The following LINGO2 variants were observed in gnomAD, a reference collection of about 807,000 sequenced individuals.
The protein encoded by LINGO2 is leucine rich repeat and Ig domain containing 2, also known as leucine-rich repeat and immunoglobulin-like domain-containing nogo receptor-interacting protein 2.
In LINGO2, 14 loss-of-function variants were observed where a neutral mutation model predicts 30.6. That is an observed-to-expected ratio of 0.46 (90% CI 0.30 to 0.72). The LOEUF is 0.72. Among genes scored for constraint, LINGO2 ranks in the 30% least tolerant of loss-of-function variants. The pLI is 0.07. For synonymous variants in LINGO2, 317 were observed against 288.5 expected, an observed-to-expected ratio of 1.10 and a Z score of -1.00; for missense variants, 729 against 751.7, an observed-to-expected ratio of 0.97 and a Z score of 0.35.
the LINGO2 span, among the ~76,000 whole-genome samples, chr9:29,136,060 G>A: frequency 6.6e-6 from 1 of 152,182 alleles, no homozygotes; most frequent in Non-Finnish European, 1.5e-5. Flanking sequence ...CACAGTTTGA[G>A]ATGCCTCTCA....
At chr9:28,822,292 A>G in the LINGO2 span, among the ~76,000 whole-genome samples, 4,740 of 152,278 alleles carry the variant, frequency 0.031, 248 homozygotes, top group African/African-American at 0.1. Context: ...TTCTCAAGAC[A>G]TAAACCTGGC....
At chr9:28,568,410 A>G (rs776110138) in intron 1 of LINGO2, among the ~76,000 whole-genome samples, 3 of 152,022 alleles carry the variant, frequency 2.0e-5, no homozygotes, top group East Asian at 3.9e-4. Context: ...TCTAACCTGT[A>G]CAACAAACCC....
At chr9:28,428,190 C>A (rs1321355161) in intron 2 of LINGO2, among the ~76,000 whole-genome samples, 4 of 152,210 alleles carry the variant, frequency 2.6e-5, no homozygotes, top group Non-Finnish European at 4.4e-5. Flanking sequence ...CCTAATAATG[C>A]AATTTCACAG....
the LINGO2 span, among the ~76,000 whole-genome samples, chr9:28,925,584 G>C: frequency 6.6e-6 from 1 of 152,144 alleles, no homozygotes; most frequent in Non-Finnish European, 1.5e-5. Flanking sequence ...AACTCTCCTG[G>C]ACTCTGCTCT....
the LINGO2 span, among the ~76,000 whole-genome samples, chr9:29,113,569 C>T: frequency 6.4e-4 from 97 of 152,244 alleles, 1 homozygote; most frequent in East Asian, 0.018. Flanking sequence ...TCCGCTTACC[C>T]AATTCTGACT....
the LINGO2 span, among the ~76,000 whole-genome samples, chr9:29,059,855 T>A: frequency 6.6e-6 from 1 of 151,990 alleles, no homozygotes; most frequent in African/African-American, 2.4e-5. Context: ...AATTGATAAA[T>A]TGAACTTCCT....
chr9:28,700,354 T>G, the LINGO2 span, among the ~76,000 whole-genome samples: 1 of 152,066 alleles, frequency 6.6e-6, no homozygotes, highest in Non-Finnish European at 1.5e-5. Context: ...TCCATACTTT[T>G]TACTTTCTCT....
the LINGO2 span, among the ~76,000 whole-genome samples, chr9:28,968,621 T>C: frequency 4.6e-5 from 7 of 152,288 alleles, no homozygotes; most frequent in South Asian, 2.1e-4. Flanking sequence ...TTTGGATGAA[T>C]TGGTGTTCTT....
the LINGO2 span, among the ~76,000 whole-genome samples, chr9:28,742,228 G>A: frequency 2.0e-5 from 3 of 150,180 alleles, no homozygotes; most frequent in East Asian, 5.9e-4. Context: ...AGTTGGGAGA[G>A]GAATAACATA....
At chr9:29,006,832 C>A in the LINGO2 span, among the ~76,000 whole-genome samples, 1 of 151,952 alleles carries the variant, frequency 6.6e-6, no homozygotes, top group Admixed American at 6.6e-5. Flanking sequence ...AGCTGTAAAA[C>A]GGAGGCTGTA....
the LINGO2 span, among the ~76,000 whole-genome samples, chr9:29,033,645 T>G: frequency 2.0e-5 from 3 of 151,588 alleles, no homozygotes; most frequent in Non-Finnish European, 4.4e-5. Context: ...ATATATAAAA[T>G]AAAAATAATT....
the LINGO2 span, among the ~76,000 whole-genome samples, chr9:28,736,442 C>T: frequency 6.6e-6 from 1 of 152,158 alleles, no homozygotes; most frequent in Non-Finnish European, 1.5e-5. Context: ...ACTCTCTTAG[C>T]TTCGACTTCT....
chr9:29,076,174 A>C, the LINGO2 span, among the ~76,000 whole-genome samples: 1 of 152,204 alleles, frequency 6.6e-6, no homozygotes, highest in African/African-American at 2.4e-5. Flanking sequence ...TACTAAACCC[A>C]ATCAAAAAAC....
chr9:28,768,653 C>CACAG, the LINGO2 span, among the ~76,000 whole-genome samples: 2 of 147,810 alleles, frequency 1.4e-5, no homozygotes, highest in Non-Finnish European at 3.0e-5. Context: ...CACACACACA[C>CACAG]AGTCTCTCCC....
chr9:28,733,633 T>A, the LINGO2 span, among the ~76,000 whole-genome samples: 1 of 152,160 alleles, frequency 6.6e-6, no homozygotes, highest in South Asian at 2.1e-4. Flanking sequence ...ATTGTGAGTG[T>A]CACTAGGGTT....
chr9:27,949,320 A>C, exon 6 of LINGO2: 1 of 1,614,098 alleles, frequency 6.2e-7, no homozygotes, highest in Non-Finnish European at 8.5e-7. Flanking sequence ...GGTGGTGATG[A>C]AACGCCTTCG....
intron 1 of LINGO2, among the ~76,000 whole-genome samples, chr9:28,518,974 T>G (rs1392056932): frequency 6.6e-6 from 1 of 152,180 alleles, no homozygotes; most frequent in Admixed American, 6.6e-5. Flanking sequence ...TATAAATACT[T>G]GCCTTTTTAA....
At chr9:28,309,053 A>T (rs1036329713) in intron 3 of LINGO2, among the ~76,000 whole-genome samples, 2 of 152,098 alleles carry the variant, frequency 1.3e-5, no homozygotes, top group African/African-American at 4.8e-5. Flanking sequence ...AACTAGAAAT[A>T]CCATTTGACC....
intron 5 of LINGO2, among the ~76,000 whole-genome samples, chr9:28,005,566 G>A (rs1822223827): frequency 6.6e-6 from 1 of 151,932 alleles, no homozygotes; most frequent in Admixed American, 6.6e-5. Context: ...TTTTTTAAGT[G>A]AGAAGTTCAA....
Sources: allele counts gnomAD v4.1 joint callset (sites outside exome capture counted in the v4.1 genomes callset), GRCh38; gene constraint gnomAD v4.1.1; transcripts MANE v1.5; gene names NCBI Gene and HGNC (gene_info 2026-07-23, HGNC 2026-07-21).